Variants in CHRM2 observed in about 807,000 individuals in gnomAD.
The protein encoded by CHRM2 is muscarinic acetylcholine receptor M2.
In CHRM2, 8 loss-of-function variants were observed where a neutral mutation model predicts 25.0. That is an observed-to-expected ratio of 0.32 (90% CI 0.19 to 0.58). The LOEUF (loss-of-function observed/expected upper bound fraction) is 0.58, where lower values mean the gene tolerates loss of function less well. CHRM2 is among the 20% of genes least tolerant of loss of function. The probability of loss-of-function intolerance (pLI) is 0.88; values close to 1 mark genes in which losing one functional copy is unlikely to be tolerated. For missense variants in CHRM2, 440 were observed against 567.1 expected (o/e 0.78, Z 2.28); for synonymous variants, 202 against 205.7 (o/e 0.98, Z 0.15).
Position 137,019,352 on chromosome 7 carries a change from G to A in CHRM2, c.*3086G>A, listed in dbSNP as rs566235754. The A allele has an allele frequency of 6.6e-6, 1 of 151,762 alleles. No individual in the cohort carries two copies. The highest frequency in any genetic ancestry group is 2.1e-4 in the South Asian group (1 of 4,816). The allele number at this position is 151,762 out of a possible 1,614,324, so 9.4% of individuals were successfully genotyped here. A position where few individuals can be genotyped will look rare whatever the true frequency, so the allele number is the denominator to read the frequency against. ...CAAAAATCACCAGACTATGCATATC[G>A]CACATCTTTTTTCCAGCATCTTAAT... On this transcript the variant is annotated 3_prime_UTR_variant, in exon 4 of 4. Transcript: ENST00000680005.
chr7:136,898,754 T>C (rs1797042365), intron 2 of CHRM2: 1 of 152,034 alleles, frequency 6.6e-6, no homozygotes, highest in Admixed American at 6.6e-5. Flanking sequence ...CAAATGATGC[T>C]ATAATGGCCA....
intron 2 of CHRM2, among the ~76,000 whole-genome samples, chr7:136,886,144 G>T (rs1003184832): frequency 6.6e-6 from 1 of 152,156 alleles, no homozygotes; most frequent in Admixed American, 6.5e-5. Flanking sequence ...TACCTAAAAA[G>T]GTAGTAAAAA....
intron 2 of CHRM2, among the ~76,000 whole-genome samples, chr7:136,943,836 G>A (rs1012181001): frequency 6.6e-6 from 1 of 152,070 alleles, no homozygotes; most frequent in African/African-American, 2.4e-5. Context: ...AGAAGGGAAC[G>A]TGCATATTTA....
chr7:136,911,453 G>T (rs578087190), intron 2 of CHRM2, among the ~76,000 whole-genome samples: 1 of 151,948 alleles, frequency 6.6e-6, no homozygotes, highest in Non-Finnish European at 1.5e-5. Context: ...TTAGTAACCT[G>T]CCCAGTGTCA....
At chr7:136,975,168 G>A (rs892650249) in intron 2 of CHRM2, among the ~76,000 whole-genome samples, 3 of 152,292 alleles carry the variant, frequency 2.0e-5, no homozygotes, top group South Asian at 4.1e-4. Context: ...GTGTCAGGAT[G>A]TAAGCTGGGG....
chr7:136,990,533 C>T (rs747520104), intron 2 of CHRM2, among the ~76,000 whole-genome samples: 1 of 152,068 alleles, frequency 6.6e-6, no homozygotes, highest in Non-Finnish European at 1.5e-5. Flanking sequence ...TCCCTTATGT[C>T]TTTTCATGGC....
intron 2 of CHRM2, among the ~76,000 whole-genome samples, chr7:136,941,510 G>A (rs185029666): frequency 2.0e-5 from 3 of 152,324 alleles, no homozygotes; most frequent in South Asian, 2.1e-4. Context: ...AGCAAAGTGC[G>A]TTGTCCTGCA....
At chr7:136,877,090 C>A (rs1371946940) in intron 2 of CHRM2, among the ~76,000 whole-genome samples, 1 of 151,984 alleles carries the variant, frequency 6.6e-6, no homozygotes, top group Non-Finnish European at 1.5e-5. Flanking sequence ...TGAACTGGAA[C>A]ATAGAAGGCA....
chr7:136,954,749 A>T (rs550228725), intron 2 of CHRM2, among the ~76,000 whole-genome samples: 2 of 152,342 alleles, frequency 1.3e-5, no homozygotes, highest in Middle Eastern at 6.8e-3. Context: ...TCTTGACTAC[A>T]TCCATGGATT....
chr7:136,991,390 A>G (rs1027841011), intron 2 of CHRM2, among the ~76,000 whole-genome samples: 1 of 152,126 alleles, frequency 6.6e-6, no homozygotes, highest in Non-Finnish European at 1.5e-5. Context: ...TGAAAAGACT[A>G]TCTTTGCTCC....
chr7:136,902,369 G>T (rs1563055254), intron 2 of CHRM2: 1 of 151,972 alleles, frequency 6.6e-6, no homozygotes, highest in Non-Finnish European at 1.5e-5. Context: ...GAATTTAGGT[G>T]GCAAATTCAT....
At chr7:136,875,207 T>C (rs887964472) in intron 2 of CHRM2, among the ~76,000 whole-genome samples, 17 of 151,254 alleles carry the variant, frequency 1.1e-4, no homozygotes, top group Admixed American at 9.9e-4. Flanking sequence ...TATATACATA[T>C]ATACATATAC....
intron 2 of CHRM2, among the ~76,000 whole-genome samples, chr7:136,938,853 G>A (rs527759921): frequency 7.2e-6 from 1 of 139,650 alleles, no homozygotes; most frequent in African/African-American, 2.6e-5. Context: ...CCCCCTTGCC[G>A]ATGCCTCCAG....
chr7:136,910,800 AGT>A (rs71533718), intron 2 of CHRM2, among the ~76,000 whole-genome samples: 285 of 145,686 alleles, frequency 2.0e-3, no homozygotes, highest in Admixed American at 5.5e-3. Context: ...TTTAAAATTA[AGT>A]GTGTGTGTGT....
chr7:136,997,657 T>C (rs1405581601), intron 3 of CHRM2, among the ~76,000 whole-genome samples: 1 of 152,148 alleles, frequency 6.6e-6, no homozygotes, highest in South Asian at 2.1e-4. Context: ...CAAAACATAA[T>C]ACTGTACAAG....
At chr7:136,963,689 C>T (rs1801236293) in intron 2 of CHRM2, among the ~76,000 whole-genome samples, 1 of 152,132 alleles carries the variant, frequency 6.6e-6, no homozygotes, top group Non-Finnish European at 1.5e-5. Flanking sequence ...GGGTCTCAGT[C>T]CTGGGTTCAC....
chr7:136,986,506 T>C (rs756878977), intron 2 of CHRM2, among the ~76,000 whole-genome samples: 1 of 152,156 alleles, frequency 6.6e-6, no homozygotes, highest in Non-Finnish European at 1.5e-5. Context: ...TTAGTTAAAT[T>C]TACTGTAGAC....
rs943928620 is a variant in CHRM2, at chr7:137,018,771, T to C, written c.*2505T>C. On this transcript the variant is annotated 3_prime_UTR_variant, in exon 4 of 4. Coordinates refer to ENST00000680005, the MANE Select transcript of CHRM2 (RefSeq NM_001006630.2). Reference sequence around the variant, plus strand: ...TCACTTTAAAGAAAGAAATTGAAGATAGGCTGACACCATGGAAACTACGTC... The same window carrying C: ...TCACTTTAAAGAAAGAAATTGAAGACAGGCTGACACCATGGAAACTACGTC... The C allele has an allele frequency of 6.6e-6, 1 of 151,870 alleles. No homozygotes were observed. The highest frequency in any genetic ancestry group is 2.4e-5 in the African/African-American group (1 of 41,404). The allele number at this position is 151,870 out of a possible 1,614,324, so 9.4% of individuals were successfully genotyped here. A position where few individuals can be genotyped will look rare whatever the true frequency, so the allele number is the denominator to read the frequency against.
intron 2 of CHRM2, among the ~76,000 whole-genome samples, chr7:136,959,351 A>G (rs967942578): frequency 6.6e-6 from 1 of 152,228 alleles, no homozygotes; most frequent in South Asian, 2.1e-4. Context: ...TGAGTGGAGG[A>G]CTAACAAGAA....
Sources: gnomAD v4.1 joint callset for allele counts (sites outside exome capture counted in the v4.1 genomes callset) on GRCh38, gnomAD v4.1.1 for gene constraint, MANE v1.5 for transcripts, NCBI Gene and HGNC (gene_info 2026-07-23, HGNC 2026-07-21) for gene names.